IL5RA: variants seen among roughly 807,000 people sequenced by gnomAD.
IL5RA encodes the protein interleukin 5 receptor subunit alpha, also known as interleukin-5 receptor subunit alpha.
Under a neutral mutation model 50.0 loss-of-function variants are expected in IL5RA, and 49 were observed. The observed-to-expected ratio is 0.98, with a 90% CI of 0.78 to 1.24. IL5RA has a LOEUF of 1.24. Ranked by LOEUF, IL5RA falls within the 50% of genes most tolerant of loss-of-function variation. The pLI is 0.00. For synonymous variants in IL5RA, 202 were observed against 174.0 expected, an observed-to-expected ratio of 1.16 and a Z score of -1.26; for missense variants, 600 against 500.4, an observed-to-expected ratio of 1.20 and a Z score of -1.90.
rs144856728 is a variant in IL5RA, at chr3:3,102,704, C to T, written c.199G>A (p.Val67Met). Residue 67 changes from valine to methionine, a missense_variant, in exon 4 of 12, where the codon GTG becomes ATG. Physicochemically the swap from Val to Met is conservative, Grantham distance 21. Transcript: ENST00000446632. ...TCTTCTTTTGGAGCGTTTATTTTCA[C>T]TTGATATTCTAGATTAACATTCCTT... ...EQRNVNLEYQ[V>M]KINAPKEDDY... The T allele has an allele frequency of 2.9e-3, 4,665 of 1,604,126 alleles. 14 individuals are homozygous for T. Among genetic ancestry groups the T allele is most frequent in the Non-Finnish European group, 3.7e-3 (4,327 of 1,174,024 alleles).
intron 3 of IL5RA, among the ~76,000 whole-genome samples, chr3:3,103,798 T>C (rs151057793): frequency 6.0e-4 from 89 of 149,366 alleles, no homozygotes; most frequent in Non-Finnish European, 1.2e-3. Flanking sequence ...TATGTTTTTT[T>C]CTGGGCGTAT....
Position 3,067,131 on chromosome 3 carries a change from A to G in IL5RA, c.*3094T>C, listed in dbSNP as rs1317139006. ...AAGGCTGGTGAGAACAGTATAGACC[A>G]CTCACAGTGAGCCACTTCTGAAATG... On this transcript the variant is annotated 3_prime_UTR_variant, in exon 12 of 12. Transcript: ENST00000446632. 2 of 152,222 alleles carry G rather than the reference A, an allele frequency of 1.3e-5. No homozygotes were observed. The highest frequency in any genetic ancestry group is 2.9e-5 in the Non-Finnish European group (2 of 68,044). 9.4% of individuals were successfully genotyped at this position (152,222 alleles called of 1,614,324 possible).
intron 11 of IL5RA, chr3:3,073,770 C>CT (rs1702378932): frequency 1.1e-5 from 5 of 449,912 alleles, no homozygotes; most frequent in African/African-American, 6.0e-5. Flanking sequence ...TCCCAGCTAC[C>CT]TTTTTTTGTA....
At chr3:3,082,878 A>G (rs1574983812) in intron 9 of IL5RA, among the ~76,000 whole-genome samples, 1 of 152,220 alleles carries the variant, frequency 6.6e-6, no homozygotes, top group Non-Finnish European at 1.5e-5. Context: ...GCATGTAAGT[A>G]TGAACTTTCA....
intron 11 of IL5RA, 32 bp downstream of exon 11, chr3:3,074,750 A>G (rs1169242759): frequency 9.2e-6 from 12 of 1,301,442 alleles, no homozygotes; most frequent in South Asian, 2.4e-5. Flanking sequence ...CCCTGGACAC[A>G]TACGGCATAT....
In IL5RA at chr3:3,092,532, T is replaced by C. The variant is rs1703173623; in HGVS notation, c.856-170A>G. ...TATGCTAGGTGCGTTAGTGTGGATG[T>C]GTTGGCAGTCACCCTTCAGTGGAAC... On this transcript the variant is annotated intron_variant, in intron 8 of 11. Coordinates refer to ENST00000446632, the MANE Select transcript of IL5RA (RefSeq NM_175726.4). The surrounding 1 kb of genome is among the most constrained non-coding windows in gnomAD (Gnocchi z 4.2). Among the ~76,000 whole-genome samples, 1 of 152,228 alleles carries C rather than the reference T, an allele frequency of 6.6e-6. No individual in the cohort carries two copies. Among genetic ancestry groups the C allele is most frequent in the South Asian group, 2.1e-4 (1 of 4,828 alleles).
intron 11 of IL5RA, among the ~76,000 whole-genome samples, chr3:3,074,112 A>T (rs1702394385): frequency 6.6e-6 from 1 of 152,252 alleles, no homozygotes; most frequent in Non-Finnish European, 1.5e-5. Context: ...CACTGGGCTG[A>T]ACCTAAGCGC....
At chr3:3,096,278 CAAAA>C (rs1553752099) in intron 7 of IL5RA, among the ~76,000 whole-genome samples, 1 of 108,498 alleles carries the variant, frequency 9.2e-6, no homozygotes, top group African/African-American at 3.8e-5. Context: ...AAATCTGTCT[CAAAA>C]AAAAAAAAAG....
At position 3,104,897 on chromosome 3, in the gene IL5RA, C is replaced by T. The variant is rs760403098; in HGVS notation, c.82+6G>A. The T allele has an allele frequency of 1.3e-5, 21 of 1,560,022 alleles. No homozygotes were observed. The highest frequency in any genetic ancestry group is 1.0e-4 in the Admixed American group (6 of 59,840). ...AACATTATTGAATTGAATAGAAGGT[C>T]CTTACTCTTTTCATCAGGAAGTAAG... On this transcript the variant is annotated splice_donor_region_variant and intron_variant, in intron 3 of 11. Coordinates refer to ENST00000446632, the MANE Select transcript of IL5RA (RefSeq NM_175726.4).
intron 9 of IL5RA, among the ~76,000 whole-genome samples, chr3:3,084,181 A>T (rs1020866684): frequency 1.1e-4 from 17 of 152,226 alleles, no homozygotes; most frequent in Non-Finnish European, 2.1e-4. Context: ...GAATGAATTA[A>T]CACATGTGAA....
intron 10 of IL5RA, among the ~76,000 whole-genome samples, chr3:3,075,539 C>A (rs1369001170): frequency 6.6e-6 from 1 of 151,792 alleles, no homozygotes; most frequent in African/African-American, 2.4e-5. Context: ...GTACTGCCTT[C>A]CCCCAAACTG....
chr3:3,085,580 T>G (rs544800160), intron 9 of IL5RA, among the ~76,000 whole-genome samples: 6 of 152,196 alleles, frequency 3.9e-5, no homozygotes, highest in African/African-American at 1.4e-4. Flanking sequence ...GAAGATGCAT[T>G]TGATGGTCCC....
chr3:3,091,598 G>T (rs1703105648), intron 9 of IL5RA, among the ~76,000 whole-genome samples: 1 of 152,170 alleles, frequency 6.6e-6, no homozygotes, highest in Non-Finnish European at 1.5e-5. Flanking sequence ...CAGGCGTGGT[G>T]GCATGTGCCT....
chr3:3,101,583 G>C (rs6771148), intron 5 of IL5RA, 109 bp downstream of exon 5: 842,087 of 1,083,554 alleles, frequency 0.78, 328,581 homozygotes, highest in South Asian at 0.9. Flanking sequence ...GAGTACTTGA[G>C]AAGAACGGGT....
rs1206510021 is a variant in IL5RA, at chr3:3,066,678, A to G, written c.*3547T>C. 1 of 152,238 alleles carries G rather than the reference A, an allele frequency of 6.6e-6. No homozygotes were observed. The highest frequency in any genetic ancestry group is 2.4e-5 in the African/African-American group (1 of 41,466). 9.4% of individuals were successfully genotyped at this position (152,238 alleles called of 1,614,324 possible). A position where few individuals can be genotyped will look rare whatever the true frequency, so the allele number is the denominator to read the frequency against. On this transcript the variant is annotated 3_prime_UTR_variant, in exon 12 of 12. Transcript: ENST00000446632. ...CCACCAGCAGATGGTCCTGACACATAGAAGTCTCACCATGAAAACGTTTGG... is the reference window on the plus strand; with the variant it reads ...CCACCAGCAGATGGTCCTGACACATGGAAGTCTCACCATGAAAACGTTTGG...
At chr3:3,077,670 G>A (rs1345531221) in intron 9 of IL5RA, among the ~76,000 whole-genome samples, 4 of 152,246 alleles carry the variant, frequency 2.6e-5, no homozygotes, top group Non-Finnish European at 4.4e-5. Context: ...TTGGGAGGCC[G>A]AGGCACAAAA....
In IL5RA at chr3:3,092,379, A is replaced by G; in HGVS notation, c.856-17T>C. ...TTTTTCTATCTAAGTGGGGAAAGAT[A>G]GCATTAGAAGAATCTCTAGACACCT... On this transcript the variant is annotated splice_polypyrimidine_tract_variant and intron_variant, in intron 8 of 11. Transcript: ENST00000446632. The surrounding 1 kb of genome is among the most constrained non-coding windows in gnomAD (Gnocchi z 4.2). 1 of 1,610,306 alleles carries G rather than the reference A, an allele frequency of 6.2e-7. No homozygotes were observed. The highest frequency in any genetic ancestry group is 8.5e-7 in the Non-Finnish European group (1 of 1,178,690).
intron 4 of IL5RA, 94 bp from the exon 5 acceptor site, chr3:3,101,924 A>G: frequency 8.9e-7 from 1 of 1,122,306 alleles, no homozygotes; most frequent in Non-Finnish European, 1.3e-6. Context: ...TACTTTTTAA[A>G]TGATTAGTAA....
chr3:3,071,584 TGTGTGTGTGTGTA>T (rs1200895653), intron 11 of IL5RA, among the ~76,000 whole-genome samples: 31 of 143,660 alleles, frequency 2.2e-4, no homozygotes, highest in East Asian at 1.5e-3. Flanking sequence ...TGTGTGTGTG[TGTGTGTGTGTGTA>T]TTTTTTTTTT....
Sources: gnomAD v4.1 joint callset for allele counts (sites outside exome capture counted in the v4.1 genomes callset) on GRCh38, gnomAD v4.1.1 for gene constraint, Gnocchi (gnomAD v3.1) non-coding constraint, MANE v1.5 for transcripts, NCBI Gene and HGNC (gene_info 2026-07-23, HGNC 2026-07-21) for gene names.